Variants in LSG1 observed in about 807,000 individuals in gnomAD.
LSG1 encodes large subunit GTPase 1 homolog.
A neutral mutation model predicts 82.6 loss-of-function variants in LSG1; 55 were observed. The observed-to-expected ratio is 0.67, with a 90% confidence interval of 0.54 to 0.83. The LOEUF is 0.83. Ranked by LOEUF, LSG1 falls within the 40% of genes least tolerant of loss-of-function variation. LSG1 has a pLI of 0.00. For synonymous variants in LSG1, 272 were observed against 282.5 expected (o/e 0.96, Z 0.37); for missense variants, 809 against 807.9 (o/e 1.00, Z -0.02).
At chr3:194,670,799 G>C (rs1719127249) in intron 1 of LSG1, among the ~76,000 whole-genome samples, 2 of 152,090 alleles carry the variant, frequency 1.3e-5, no homozygotes, top group South Asian at 4.1e-4. Context: ...AAAAAAAATT[G>C]CCAGGCGTGG....
At chr3:194,655,847 C>T (rs1205746964) in intron 7 of LSG1, among the ~76,000 whole-genome samples, 2 of 152,118 alleles carry the variant, frequency 1.3e-5, no homozygotes, top group African/African-American at 4.8e-5. Flanking sequence ...AATAATGCCA[C>T]ACATCTACAA....
chr3:194,660,988 A>T, intron 5 of LSG1: 1 of 440,918 alleles, frequency 2.3e-6, no homozygotes, highest in Non-Finnish European at 4.5e-6. Context: ...CGCTGGGAGG[A>T]CATAAGCTAC....
At chr3:194,653,515 CAAA>C (rs35726683) in intron 7 of LSG1, among the ~76,000 whole-genome samples, 1 of 113,170 alleles carries the variant, frequency 8.8e-6, no homozygotes. Flanking sequence ...CTCTGTCTCA[CAAA>C]AAAAAAAAAA....
At chr3:194,643,630 A>G (rs1053249131) in intron 13 of LSG1, among the ~76,000 whole-genome samples, 1 of 152,218 alleles carries the variant, frequency 6.6e-6, no homozygotes, top group Non-Finnish European at 1.5e-5. Context: ...CCACGTTTGG[A>G]AAGTTTGGCA....
intron 7 of LSG1, among the ~76,000 whole-genome samples, chr3:194,653,450 G>A (rs558248433): frequency 2.6e-5 from 4 of 152,116 alleles, no homozygotes; most frequent in Admixed American, 2.6e-4. Context: ...GAGAGGCGGA[G>A]GGTGCAGTGA....
intron 12 of LSG1, chr3:194,645,495 T>TACATACACAC (rs1228412103): frequency 1.6e-5 from 1 of 62,004 alleles, no homozygotes; most frequent in Admixed American, 1.9e-4. Context: ...AGCTTAGTGC[T>TACATACACAC]ACACACACAC....
intron 7 of LSG1, among the ~76,000 whole-genome samples, chr3:194,653,698 C>T (rs1352508355): frequency 2.0e-5 from 3 of 152,110 alleles, no homozygotes; most frequent in Non-Finnish European, 4.4e-5. Context: ...TGTTTCTGTA[C>T]TATTTGAACT....
intron 7 of LSG1, among the ~76,000 whole-genome samples, chr3:194,657,975 T>C (rs1350351039): frequency 2.0e-5 from 3 of 152,078 alleles, no homozygotes; most frequent in Non-Finnish European, 4.4e-5. Context: ...AGAGCTTATA[T>C]ACTGAGCTCA....
At chr3:194,659,958 T>C in intron 6 of LSG1, 115 bp downstream of exon 6, 1 of 835,100 alleles carries the variant, frequency 1.2e-6, no homozygotes, top group Non-Finnish European at 2.0e-6. Flanking sequence ...AGGGAAGGCC[T>C]CACTAAACGA....
At chr3:194,644,377 AAAAT>A (rs1261924186) in intron 13 of LSG1, among the ~76,000 whole-genome samples, 192 bp downstream of exon 13, 2,445 of 85,922 alleles carry the variant, frequency 0.028, 111 homozygotes, top group Non-Finnish European at 0.043. Context: ...TCAAAAAAAA[AAAAT>A]AAAAATAAAT....
Position 194,672,047 on chromosome 3 carries a change from G to A in LSG1, c.99+17C>T, listed in dbSNP as rs750571091. 4 of 1,606,084 alleles carry A rather than the reference G, an allele frequency of 2.5e-6. No homozygotes were observed. The highest frequency in any genetic ancestry group is 1.1e-5 in the South Asian group (1 of 90,972). On this transcript the variant is annotated intron_variant, in intron 1 of 13. Transcript: ENST00000265245. ...GCTAGACAGAAAAGATAAGAAAGAT[G>A]ACATGGTCTGTCTTACCCAGGAGTC...
At chr3:194,642,530 A>G (rs1262277559) in intron 13 of LSG1, among the ~76,000 whole-genome samples, 2 of 152,096 alleles carry the variant, frequency 1.3e-5, no homozygotes, top group Non-Finnish European at 2.9e-5. Context: ...TTGTCTTAAT[A>G]TCAAAACTTA....
chr3:194,648,124 A>C (rs1377095596), intron 11 of LSG1, among the ~76,000 whole-genome samples: 5 of 131,230 alleles, frequency 3.8e-5, no homozygotes, highest in African/African-American at 1.5e-4. Context: ...TCTCCAGGCC[A>C]CCTTTAAAGT....
rs370776919 is a variant in LSG1, at chr3:194,642,254, A to T, written c.1798-7T>A. On this transcript the variant is annotated splice_region_variant and splice_polypyrimidine_tract_variant and intron_variant, in intron 13 of 13. Coordinates refer to ENST00000265245, the MANE Select transcript of LSG1 (RefSeq NM_018385.3). ...TCAAAGCCCTCACATTCTCCTAGGAAATAAGAGAAAACATTATCTGAGCTG... is the reference window on the plus strand; with the variant it reads ...TCAAAGCCCTCACATTCTCCTAGGATATAAGAGAAAACATTATCTGAGCTG... 7.0e-5 allele frequency: 113 copies of T among 1,609,694 alleles called. No homozygotes were observed. Among genetic ancestry groups the T allele is most frequent in the Non-Finnish European group, 9.4e-5 (111 of 1,177,916 alleles).
At chr3:194,662,395 T>C (rs1264448711) in intron 5 of LSG1, among the ~76,000 whole-genome samples, 1 of 152,246 alleles carries the variant, frequency 6.6e-6, no homozygotes, top group East Asian at 1.9e-4. Context: ...GATACTGAAC[T>C]GTGAAGGTGC....
Position 194,645,583 on chromosome 3 carries a change from C to CACACAG in LSG1, c.1623+580_1623+581insCTGTGT, listed in dbSNP as rs1560219874. ...ACACACACACACAGACAGACACACA[C>CACACAG]ACACACACACACACACACACACACA... On this transcript the variant is annotated intron_variant, in intron 12 of 13. Coordinates refer to ENST00000265245, the MANE Select transcript of LSG1 (RefSeq NM_018385.3). Among the ~76,000 whole-genome samples, 3 of 68,326 alleles carry CACACAG rather than the reference C, an allele frequency of 4.4e-5. No individual in the cohort carries two copies. In the Admixed American group the frequency reaches 5.0e-4, roughly 11 times the overall value. 44.8% of individuals were successfully genotyped at this position (68,326 alleles called of 152,430 possible).
At chr3:194,669,083 T>C (rs2108623141) in intron 2 of LSG1, among the ~76,000 whole-genome samples, 1 of 152,328 alleles carries the variant, frequency 6.6e-6, no homozygotes, top group South Asian at 2.1e-4. Flanking sequence ...AAAGTTTTAC[T>C]GAGGCAGGAT....
At chr3:194,646,052 G>T (rs1424176681) in intron 12 of LSG1, 112 bp downstream of exon 12, 5 of 1,059,490 alleles carry the variant, frequency 4.7e-6, no homozygotes. Context: ...CACAACTCCA[G>T]TTTCAATGAA....
chr3:194,649,262 C>T (rs2108616330), intron 10 of LSG1, among the ~76,000 whole-genome samples: 1 of 152,216 alleles, frequency 6.6e-6, no homozygotes, highest in South Asian at 2.1e-4. Flanking sequence ...AAGTACATGC[C>T]TCATGTGCCC....
Sources: allele counts gnomAD v4.1 joint callset (sites outside exome capture counted in the v4.1 genomes callset), GRCh38; gene constraint gnomAD v4.1.1; transcripts MANE v1.5; gene names NCBI Gene and HGNC (gene_info 2026-07-23, HGNC 2026-07-21).